The following SOD2 variants were observed in gnomAD, a reference collection of about 807,000 sequenced individuals.
SOD2 encodes superoxide dismutase 2, also known as superoxide dismutase [Mn], mitochondrial.
SOD2 carries 11 observed loss-of-function variants against 27.0 expected under a neutral mutation model. The ratio of observed to expected loss-of-function variants is 0.41; its 90% CI spans 0.26 to 0.67. The LOEUF (loss-of-function observed/expected upper bound fraction) is 0.67. Among genes scored for constraint, SOD2 ranks in the 30% least tolerant of loss-of-function variants. The probability of loss-of-function intolerance (pLI) is 0.34; values close to 1 mark genes in which losing one functional copy is unlikely to be tolerated. For missense variants in SOD2, 250 were observed against 274.5 expected (o/e 0.91, Z 0.63); for synonymous variants, 105 against 103.0 (o/e 1.02, Z -0.12).
In SOD2 at chr6:159,670,860, C is replaced by G. The variant is rs936406391; in HGVS notation, c.*11633G>C. 6.6e-6 allele frequency: 1 copy of G among 152,230 alleles called. No individual in the cohort carries two copies. Among genetic ancestry groups the G allele is most frequent in the African/African-American group, 2.4e-5 (1 of 41,442 alleles). 9.4% of individuals were successfully genotyped at this position (152,230 alleles called of 1,614,324 possible). A position where few individuals can be genotyped will look rare whatever the true frequency, so the allele number is the denominator to read the frequency against. On this transcript the variant is annotated 3_prime_UTR_variant, in exon 5 of 5. Coordinates refer to ENST00000538183, the MANE Select transcript of SOD2 (RefSeq NM_000636.4). ...CCTAGCCAAGGGAAGCTGTGACAGA[C>G]GGCACCTGGAAAATTGGGTCACTCC...
intron 1 of SOD2, chr6:159,743,643 T>C (rs746438148): frequency 4.4e-6 from 7 of 1,575,386 alleles, no homozygotes; most frequent in African/African-American, 4.1e-5. Flanking sequence ...ATTGTATTTA[T>C]AATTTTTTTT....
intron 1 of SOD2, chr6:159,726,851 C>T: frequency 8.5e-6 from 11 of 1,289,218 alleles, no homozygotes; most frequent in Non-Finnish European, 1.1e-5. Flanking sequence ...TCAAAACTTA[C>T]AGGTGAGCTT....
chr6:159,727,391 C>CGGGAGGCGGGAGGCG, upstream of SOD2: 1 of 588,606 alleles, frequency 1.7e-6, no homozygotes, highest in Non-Finnish European at 2.3e-6. Flanking sequence ...AGGCGGGAGG[C>CGGGAGGCGGGAGGCG]GGGAGGCGGG....
intron 1 of SOD2, among the ~76,000 whole-genome samples, chr6:159,710,693 GATCACCCTA>G (rs1777718330): frequency 6.6e-6 from 1 of 150,734 alleles, no homozygotes; most frequent in South Asian, 2.1e-4. Flanking sequence ...ATACTGCTCT[GATCACCCTA>G]ACCACCTCCA....
At chr6:159,699,181 T>C (rs1777483218) in intron 1 of SOD2, among the ~76,000 whole-genome samples, 1 of 152,106 alleles carries the variant, frequency 6.6e-6, no homozygotes, top group African/African-American at 2.4e-5. Context: ...TCCCAACTTA[T>C]CCCTATCTCC....
At chr6:159,749,496 G>C (rs1430330381), upstream of SOD2, 1 of 949,708 alleles carries the variant, frequency 1.1e-6, no homozygotes, top group Admixed American at 6.2e-5. Context: ...TTTAATTTGG[G>C]GCGGGGAGGG....
intron 1 of SOD2, among the ~76,000 whole-genome samples, chr6:159,711,998 TCCATAACCAC>T (rs1777795227): frequency 5.8e-5 from 2 of 34,362 alleles, no homozygotes; most frequent in African/African-American, 1.2e-4. Flanking sequence ...TGCTCAGACC[TCCATAACCAC>T]CTCCATAACC....
At chr6:159,725,412 CAG>C (rs1778135004) in intron 1 of SOD2, among the ~76,000 whole-genome samples, 1 of 147,216 alleles carries the variant, frequency 6.8e-6, no homozygotes, top group African/African-American at 2.5e-5. Flanking sequence ...ACCCAGGAGA[CAG>C]AGGTTGCAGT....
intron 1 of SOD2, among the ~76,000 whole-genome samples, chr6:159,735,123 C>T (rs1778824944): frequency 1.3e-5 from 2 of 152,120 alleles, no homozygotes; most frequent in Admixed American, 6.5e-5. Context: ...TAAGGTGTGA[C>T]ATACATGTGT....
intron 1 of SOD2, among the ~76,000 whole-genome samples, chr6:159,754,824 ATTATT>A (rs1274725963): frequency 2.0e-5 from 3 of 152,162 alleles, no homozygotes; most frequent in African/African-American, 7.2e-5. Context: ...CCAACTGTAT[ATTATT>A]TTAAGTATCT....
chr6:159,683,762 C>T (rs1267751962), intron 4 of SOD2, among the ~76,000 whole-genome samples: 1 of 152,162 alleles, frequency 6.6e-6, no homozygotes, highest in Admixed American at 6.6e-5. Flanking sequence ...CCTGACTCTA[C>T]AGATCGGTGC....
intron 1 of SOD2, chr6:159,760,435 A>G (rs529411991): frequency 6.6e-6 from 1 of 152,182 alleles, no homozygotes; most frequent in Admixed American, 6.5e-5. Flanking sequence ...ACGCCCGGCT[A>G]ATTTTTCTAT....
upstream of SOD2, among the ~76,000 whole-genome samples, chr6:159,730,279 T>G (rs1778486814): frequency 6.6e-6 from 1 of 152,216 alleles, no homozygotes; most frequent in South Asian, 2.1e-4. Context: ...CATATTTTCT[T>G]TATTATTTTC....
upstream of SOD2, among the ~76,000 whole-genome samples, chr6:159,731,469 A>G (rs1351166046): frequency 6.6e-6 from 1 of 152,194 alleles, no homozygotes. Context: ...CTCTGTCTCA[A>G]AAAAAGAGAG....
At chr6:159,724,952 G>GA (rs1177963604) in intron 1 of SOD2, among the ~76,000 whole-genome samples, 1 of 149,416 alleles carries the variant, frequency 6.7e-6, no homozygotes, top group Non-Finnish European at 1.5e-5. Flanking sequence ...GGGAGAGAAA[G>GA]AAAAAAAGAA....
At chr6:159,688,478 AG>A (rs1299705397) in intron 2 of SOD2, 1 of 455,908 alleles carries the variant, frequency 2.2e-6, no homozygotes, top group Non-Finnish European at 4.0e-6. Context: ...CCTGGCTGCT[AG>A]GCTCAGGGAT....
upstream of SOD2, chr6:159,745,290 C>T (rs1048292972): frequency 2.0e-5 from 3 of 152,202 alleles, no homozygotes; most frequent in Non-Finnish European, 2.9e-5. Context: ...TATTCATGCA[C>T]ATCTGATTCT....
At chr6:159,687,793 G>A (rs985879722) in intron 3 of SOD2, among the ~76,000 whole-genome samples, 1 of 152,110 alleles carries the variant, frequency 6.6e-6, no homozygotes, top group Admixed American at 6.6e-5. Flanking sequence ...CAGATCATGA[G>A]GTCAGGAGTT....
intron 1 of SOD2, among the ~76,000 whole-genome samples, chr6:159,752,028 A>T (rs1051517604): frequency 1.3e-5 from 2 of 150,162 alleles, no homozygotes; most frequent in Non-Finnish European, 3.0e-5. Flanking sequence ...ACGCCACTGC[A>T]CTCCAGCCTG....
Sources: gnomAD v4.1 joint callset for allele counts (sites outside exome capture counted in the v4.1 genomes callset) on GRCh38, gnomAD v4.1.1 for gene constraint, MANE v1.5 for transcripts, NCBI Gene and HGNC (gene_info 2026-07-23, HGNC 2026-07-21) for gene names.